TENM1: variants seen among roughly 807,000 people sequenced by gnomAD.
The protein encoded by TENM1 is teneurin-1.
TENM1 carries 35 observed loss-of-function variants against 174.8 expected under a neutral mutation model. The observed-to-expected ratio is 0.20, with a 90% confidence interval of 0.15 to 0.27. The LOEUF (loss-of-function observed/expected upper bound fraction) is 0.27. TENM1 is among the 10% of genes least tolerant of loss of function. The pLI is 1.00. For missense variants in TENM1, 1,633 were observed against 2,130.1 expected (o/e 0.77, Z 4.59); for synonymous variants, 781 against 798.7 (o/e 0.98, Z 0.37).
the TENM1 span, among the ~76,000 whole-genome samples, chrX:125,085,446 A>G: frequency 6.2e-4 from 69 of 110,958 alleles, no homozygotes; most frequent in Non-Finnish European, 1.3e-3. Context: ...GTTAAAGTTT[A>G]ATAGCTTTTT....
chrX:124,746,616 C>T (rs987728972), intron 3 of TENM1, among the ~76,000 whole-genome samples: 2 of 111,726 alleles, frequency 1.8e-5, no homozygotes, highest in African/African-American at 6.5e-5. Flanking sequence ...CAAAATGCAA[C>T]ATTCTGGATG....
intron 6 of TENM1, among the ~76,000 whole-genome samples, chrX:124,654,083 A>T (rs1463864766): frequency 3.6e-5 from 4 of 112,143 alleles, no homozygotes; most frequent in Non-Finnish European, 5.6e-5. Context: ...AGATACAAAG[A>T]TGAGTAAGAG....
the TENM1 span, among the ~76,000 whole-genome samples, chrX:125,053,726 C>A: frequency 3.2e-4 from 36 of 111,486 alleles, no homozygotes; most frequent in Admixed American, 8.6e-4. Context: ...TTGTGCTGAG[C>A]GGGGTTCTAA....
At chrX:125,028,779 A>T in the TENM1 span, among the ~76,000 whole-genome samples, 1 of 111,981 alleles carries the variant, frequency 8.9e-6, no homozygotes, top group African/African-American at 3.2e-5. Context: ...AAACAAAGAA[A>T]AATATCAAAT....
intron 11 of TENM1, among the ~76,000 whole-genome samples, chrX:124,574,264 A>G (rs1231976762): frequency 2.7e-5 from 3 of 111,462 alleles, no homozygotes; most frequent in Admixed American, 9.6e-5. Context: ...AATCCTTCAG[A>G]GCCTCCCTCA....
At chrX:125,116,838 C>T in the TENM1 span, among the ~76,000 whole-genome samples, 3 of 110,330 alleles carry the variant, frequency 2.7e-5, no homozygotes, top group East Asian at 5.7e-4. Flanking sequence ...GGTGAAACCC[C>T]GTCTCTACTG....
chrX:124,810,976 A>C (rs1334465052), intron 3 of TENM1, among the ~76,000 whole-genome samples: 1 of 111,702 alleles, frequency 9.0e-6, no homozygotes, highest in Non-Finnish European at 1.9e-5. Context: ...AAAGTTGTTA[A>C]GAAATCTGGT....
At chrX:124,912,413 A>G (rs2057851983) in intron 1 of TENM1, among the ~76,000 whole-genome samples, 1 of 110,887 alleles carries the variant, frequency 9.0e-6, no homozygotes, top group African/African-American at 3.3e-5. Context: ...TTGGAAACTC[A>G]ATATCCTGAG....
At chrX:124,968,938 T>C in the TENM1 span, among the ~76,000 whole-genome samples, 3 of 111,925 alleles carry the variant, frequency 2.7e-5, no homozygotes, top group Non-Finnish European at 5.6e-5. Context: ...CCACCAATGG[T>C]TGAAAGCATA....
chrX:124,620,535 C>T (rs541790907), intron 11 of TENM1, among the ~76,000 whole-genome samples: 1 of 112,099 alleles, frequency 8.9e-6, no homozygotes, highest in African/African-American at 3.2e-5. Context: ...AAAAATTATT[C>T]ACAAATATTT....
intron 22 of TENM1, among the ~76,000 whole-genome samples, chrX:124,457,000 C>A (rs1210612692): frequency 8.9e-6 from 1 of 111,763 alleles, no homozygotes; most frequent in African/African-American, 3.3e-5. Context: ...AAATTTTCAA[C>A]CGGAATTCAT....
chrX:124,820,740 G>A (rs1286203299), intron 3 of TENM1, among the ~76,000 whole-genome samples: 1 of 112,191 alleles, frequency 8.9e-6, no homozygotes, highest in African/African-American at 3.2e-5. Flanking sequence ...AGTGCAGGTG[G>A]GTAAACTAAG....
chrX:125,045,504 G>A, the TENM1 span, among the ~76,000 whole-genome samples: 1 of 111,481 alleles, frequency 9.0e-6, no homozygotes, highest in East Asian at 2.8e-4. Flanking sequence ...GTGCATTTAT[G>A]TATTAGGGAA....
chrX:125,090,635 A>G, the TENM1 span, among the ~76,000 whole-genome samples: 1 of 111,649 alleles, frequency 9.0e-6, no homozygotes, highest in Non-Finnish European at 1.9e-5. Flanking sequence ...AGGCTGGGTG[A>G]CAGAGCAAGA....
At chrX:124,709,739 A>G (rs2052999508) in intron 4 of TENM1, among the ~76,000 whole-genome samples, 2 of 111,087 alleles carry the variant, frequency 1.8e-5, no homozygotes, top group Admixed American at 1.9e-4. Flanking sequence ...GGTTCTAATC[A>G]TCTGGGTTAA....
chrX:124,776,141 T>G (rs775396588), intron 3 of TENM1, among the ~76,000 whole-genome samples: 2 of 111,950 alleles, frequency 1.8e-5, no homozygotes, highest in Non-Finnish European at 3.8e-5. Context: ...AGAGAATTTC[T>G]TAGTCAAGAC....
chrX:124,571,123 G>A (rs1203317426), intron 11 of TENM1, among the ~76,000 whole-genome samples: 1 of 111,674 alleles, frequency 9.0e-6, no homozygotes, highest in East Asian at 2.8e-4. Flanking sequence ...CTCAATAAAT[G>A]CCAAAGATTC....
At chrX:125,193,876 G>A in the TENM1 span, among the ~76,000 whole-genome samples, 1 of 110,851 alleles carries the variant, frequency 9.0e-6, no homozygotes, top group Admixed American at 9.6e-5. Context: ...AACATCCCAG[G>A]CACAAGCAAG....
chrX:124,640,509 ATTATAC>A (rs2050987667), intron 11 of TENM1, among the ~76,000 whole-genome samples: 1 of 112,079 alleles, frequency 8.9e-6, no homozygotes, highest in Non-Finnish European at 1.9e-5. Context: ...CCACTTATTA[ATTATAC>A]TTATTTAATG....
Sources: gnomAD v4.1 joint callset for allele counts (sites outside exome capture counted in the v4.1 genomes callset) on GRCh38, gnomAD v4.1.1 for gene constraint, MANE v1.5 for transcripts, NCBI Gene and HGNC (gene_info 2026-07-23, HGNC 2026-07-21) for gene names.